The following SH2B2 variants were observed in gnomAD, a reference collection of about 807,000 sequenced individuals.
SH2B2 encodes SH2B adapter protein 2.
In SH2B2, 37 loss-of-function variants were observed where a neutral mutation model predicts 35.7. That is an observed-to-expected ratio of 1.04 (90% CI 0.80 to 1.36). The LOEUF is 1.36. SH2B2 is among the 40% of genes most tolerant of loss of function. SH2B2 has a pLI of 0.00. For missense variants in SH2B2, 852 were observed against 817.7 expected (o/e 1.04, Z -0.51); for synonymous variants, 383 against 376.4 (o/e 1.02, Z -0.20).
chr7:102,300,931 C>T lies in SH2B2; in HGVS notation c.381C>T (p.Thr127=). 1 of 1,488,204 alleles carries T rather than the reference C, an allele frequency of 6.7e-7. No homozygotes were observed. Among genetic ancestry groups the T allele is most frequent in the Admixed American group, 2.3e-5 (1 of 42,646 alleles). 92.2% of individuals were successfully genotyped at this position (1,488,204 alleles called of 1,614,324 possible). ...AGGACGTGTCCACGCACGCGGCCAC[C>T]AAGGCCCGCGTTCGCAAGGGCTTCT... ...SSEDVSTHAA[T]KARVRKGFSL... Residue 127 remains threonine, a synonymous_variant, in exon 2 of 9, where the codon ACC becomes ACT. Coordinates refer to ENST00000444095, the MANE Select transcript of SH2B2 (RefSeq NM_001359228.2).
At chr7:102,303,273 C>A (rs946158650) in intron 2 of SH2B2, among the ~76,000 whole-genome samples, 1 of 151,746 alleles carries the variant, frequency 6.6e-6, no homozygotes, top group Non-Finnish European at 1.5e-5. Context: ...GTCCCAAGAA[C>A]GAAAGGAACA....
chr7:102,291,924 CAG>C lies in SH2B2; in HGVS notation c.-30+4835_-30+4836del, dbSNP rs1554551838. 2.0e-5 allele frequency among the ~76,000 whole-genome samples: 3 copies of C among 152,074 alleles called. No homozygotes were observed. In the East Asian group the frequency reaches 5.8e-4, roughly 29 times the overall value. On this transcript the variant is annotated intron_variant, in intron 1 of 8. Transcript: ENST00000444095. Reference sequence around the variant, plus strand: ...TCTGTGTCCTGCCCAGGGAGGGGTGCAGAGAGGAGGCTGCAGGGGTGGAAGGG... The same window carrying C: ...TCTGTGTCCTGCCCAGGGAGGGGTGCAGAGGAGGCTGCAGGGGTGGAAGGG...
chr7:102,317,968 G>A (rs1178548988), intron 7 of SH2B2, among the ~76,000 whole-genome samples: 1 of 152,078 alleles, frequency 6.6e-6, no homozygotes, highest in African/African-American at 2.4e-5. Flanking sequence ...GTTCAGCATT[G>A]GAGGGGACAG....
intron 7 of SH2B2, 70 bp from the exon 8 acceptor site, chr7:102,320,261 A>G (rs1240916466): frequency 6.0e-6 from 8 of 1,323,064 alleles, no homozygotes; most frequent in East Asian, 2.3e-5. Flanking sequence ...CCTTCCATCA[A>G]CCCCCAAAGG....
At position 102,321,342 on chromosome 7, in the gene SH2B2, C is replaced by T. The variant is rs782658387; in HGVS notation, c.1611C>T (p.Cys537=). 13 of 1,441,576 alleles carry T rather than the reference C, an allele frequency of 9.0e-6. 1 individual carries two copies. The Middle Eastern group carries it at 2.3e-3, about 254-fold the overall frequency. 89.3% of individuals were successfully genotyped at this position (1,441,576 alleles called of 1,614,324 possible). ...TPPAAPASPA[C]WSDSPGQHYF... is the part of the protein sequence containing the mutation. ...CTGCCGCGCCCGCGTCCCCGGCCTG[C>T]TGGAGCGACTCGCCCGGCCAGCACT... Residue 537 remains cysteine (C), a synonymous_variant, in exon 9 of 9, where the codon TGC becomes TGT. Coordinates refer to ENST00000444095, the MANE Select transcript of SH2B2 (RefSeq NM_001359228.2).
rs559241754 is a variant in SH2B2 at position 102,293,544 on chromosome 7, G to T, written c.-30+6450G>T. Among the ~76,000 whole-genome samples, 16 of 151,796 alleles carry T rather than the reference G, an allele frequency of 1.1e-4. No individual in the cohort carries two copies. The East Asian group carries it at 2.9e-3, about 28-fold the overall frequency. ...AGCCTAGAAAAACCGGAGGTGGGGGGGTGTAATGGATGGGGGGAGGGTGGT... is the reference window on the plus strand; with the variant it reads ...AGCCTAGAAAAACCGGAGGTGGGGGTGTGTAATGGATGGGGGGAGGGTGGT... On this transcript the variant is annotated intron_variant, in intron 1 of 8. Coordinates refer to ENST00000444095, the MANE Select transcript of SH2B2 (RefSeq NM_001359228.2).
chr7:102,296,674 C>T (rs1234473692), intron 1 of SH2B2, among the ~76,000 whole-genome samples: 1 of 152,212 alleles, frequency 6.6e-6, no homozygotes, highest in Non-Finnish European at 1.5e-5. Flanking sequence ...GGTGAGGAGA[C>T]AGCTGGGATT....
At chr7:102,311,047 T>C (rs1554555955) in intron 4 of SH2B2, among the ~76,000 whole-genome samples, 2 of 152,168 alleles carry the variant, frequency 1.3e-5, no homozygotes, top group African/African-American at 4.8e-5. Flanking sequence ...AAATGGCAGA[T>C]AAATGAGAGA....
In SH2B2 at chr7:102,309,086, G is replaced by A. The variant is rs782098339; in HGVS notation, c.923+180G>A. ...TTTAAAATACCCCCTACCTCCAATC[G>A]CCAGCAGACTCTGTGAGGCCTGCTC... On this transcript the variant is annotated intron_variant, in intron 4 of 8. Coordinates refer to ENST00000444095, the MANE Select transcript of SH2B2 (RefSeq NM_001359228.2). 31 of 693,346 alleles carry A rather than the reference G, an allele frequency of 4.5e-5. 1 individual carries two copies. Among genetic ancestry groups the A allele is most frequent in the African/African-American group, 1.6e-4 (9 of 57,152 alleles). 42.9% of individuals were successfully genotyped at this position (693,346 alleles called of 1,614,324 possible). A position where few individuals can be genotyped will look rare whatever the true frequency, so the allele number is the denominator to read the frequency against.
chr7:102,296,338 G>A (rs80186087), intron 1 of SH2B2, among the ~76,000 whole-genome samples: 5,149 of 152,262 alleles, frequency 0.034, 128 homozygotes, highest in Non-Finnish European at 0.046. Context: ...GCGAGGGAGG[G>A]GCATTCCGGA....
chr7:102,285,272 G>T (rs782573679), upstream of SH2B2: 12 of 1,539,134 alleles, frequency 7.8e-6, no homozygotes, highest in East Asian at 2.4e-5. Context: ...AGTCCACCGC[G>T]GGTCAGGCTC....
intron 7 of SH2B2, among the ~76,000 whole-genome samples, chr7:102,317,722 T>C (rs1461289645): frequency 6.6e-6 from 1 of 152,034 alleles, no homozygotes; most frequent in Non-Finnish European, 1.5e-5. Context: ...GCGCGGGGGA[T>C]CTCATAGCAC....
At chr7:102,319,476 G>A (rs1377225013) in intron 7 of SH2B2, among the ~76,000 whole-genome samples, 1 of 152,114 alleles carries the variant, frequency 6.6e-6, no homozygotes, top group Non-Finnish European at 1.5e-5. Context: ...CTGACCTCCC[G>A]TGATCCATTC....
intron 1 of SH2B2, among the ~76,000 whole-genome samples, chr7:102,294,455 C>T (rs1423968323): frequency 6.6e-6 from 1 of 152,220 alleles, no homozygotes; most frequent in East Asian, 1.9e-4. Flanking sequence ...CCGCCCTGCC[C>T]ATGCCTGCAC....
rs1345002993 is a variant in SH2B2 at position 102,313,574 on chromosome 7, A to G, written c.924-762A>G. Among the ~76,000 whole-genome samples the G allele has an allele frequency of 7.2e-5, 11 of 152,280 alleles. No homozygotes were observed. The South Asian group carries it at 1.9e-3, about 26-fold the overall frequency. ...AATGCTAGGATTACAAACATGAGCC[A>G]CTGTGCCTGGCTGGATAATTTCTTT... is the stretch of plus-strand genomic sequence containing the variant. On this transcript the variant is annotated intron_variant, in intron 4 of 8. Transcript: ENST00000444095.
chr7:102,285,287 C>T, upstream of SH2B2: 1 of 1,500,932 alleles, frequency 6.7e-7, no homozygotes, highest in South Asian at 1.2e-5. Context: ...AGGCTCTCCC[C>T]TCTCCCAGGA....
chr7:102,299,267 C>T (rs1431692789), intron 1 of SH2B2, among the ~76,000 whole-genome samples: 4 of 135,362 alleles, frequency 3.0e-5, no homozygotes, highest in Non-Finnish European at 6.2e-5. Context: ...AGTGGGATCT[C>T]GGCTCACTGC....
In SH2B2 at chr7:102,314,437, G is replaced by A. The variant is rs1237324326; in HGVS notation, c.1015+10G>A. The A allele has an allele frequency of 1.8e-5, 7 of 398,656 alleles. No individual in the cohort carries two copies. Among genetic ancestry groups the A allele is most frequent in the Admixed American group, 1.3e-4 (3 of 22,698 alleles). The allele number at this position is 398,656 out of a possible 1,614,324, so 24.7% of individuals were successfully genotyped here. A position where few individuals can be genotyped will look rare whatever the true frequency, so the allele number is the denominator to read the frequency against. ...GAGCTCCTGACTGATGGTAGGTAGG[G>A]GGACAGGGTTGAAGGAGGGGCACAC... is the stretch of plus-strand genomic sequence containing the variant. On this transcript the variant is annotated intron_variant, in intron 5 of 8. Transcript: ENST00000444095.
chr7:102,302,607 G>C (rs533581560), intron 2 of SH2B2, among the ~76,000 whole-genome samples: 1 of 152,372 alleles, frequency 6.6e-6, no homozygotes, highest in African/African-American at 2.4e-5. Flanking sequence ...CCCCAGCCTG[G>C]TGGGCATCTG....
Sources: gnomAD v4.1 joint callset for allele counts (sites outside exome capture counted in the v4.1 genomes callset) on GRCh38, gnomAD v4.1.1 for gene constraint, MANE v1.5 for transcripts, NCBI Gene and HGNC (gene_info 2026-07-23, HGNC 2026-07-21) for gene names.